The following OPCML variants were observed in gnomAD, a reference collection of about 807,000 sequenced individuals.
The protein encoded by OPCML is opioid binding protein/cell adhesion molecule like, also known as opioid-binding protein/cell adhesion molecule.
In OPCML, 13 loss-of-function variants were observed where a neutral mutation model predicts 37.8. That is an observed-to-expected ratio of 0.34 (90% CI 0.22 to 0.55). The LOEUF is 0.55. Ranked by LOEUF, OPCML falls within the 20% of genes least tolerant of loss-of-function variation. The probability of loss-of-function intolerance (pLI) is 0.91; values close to 1 mark genes in which losing one functional copy is unlikely to be tolerated. For missense variants in OPCML, 341 were observed against 435.6 expected, an observed-to-expected ratio of 0.78 and a Z score of 1.93; for synonymous variants, 176 against 168.8, an observed-to-expected ratio of 1.04 and a Z score of -0.33.
intron 1 of OPCML, among the ~76,000 whole-genome samples, chr11:133,347,592 G>A (rs185066771): frequency 1.3e-5 from 2 of 152,182 alleles, no homozygotes; most frequent in East Asian, 3.9e-4. Context: ...ATTTAGGTTG[G>A]CCTCTGAAAT....
chr11:133,425,157 C>A (rs1945975924), intron 1 of OPCML, among the ~76,000 whole-genome samples: 1 of 152,208 alleles, frequency 6.6e-6, no homozygotes. Context: ...CACCTGAGTT[C>A]ACCAGTCCTG....
chr11:133,479,496 C>T (rs1947328276), intron 1 of OPCML, among the ~76,000 whole-genome samples: 1 of 152,222 alleles, frequency 6.6e-6, no homozygotes, highest in Admixed American at 6.5e-5. Flanking sequence ...GTTGTCATTA[C>T]TGTCAGAAAT....
chr11:132,958,635 C>A (rs1184503507), intron 1 of OPCML, among the ~76,000 whole-genome samples: 1 of 152,204 alleles, frequency 6.6e-6, no homozygotes, highest in South Asian at 2.1e-4. Flanking sequence ...CAGCTGTTGA[C>A]TTTAAGTGAA....
intron 2 of OPCML, among the ~76,000 whole-genome samples, chr11:132,877,471 C>T (rs1040150268): frequency 6.6e-6 from 1 of 152,174 alleles, no homozygotes; most frequent in African/African-American, 2.4e-5. Context: ...CTGAAGAGTT[C>T]ATTTGACTTC....
chr11:133,196,672 C>T (rs2136311480), intron 1 of OPCML, among the ~76,000 whole-genome samples: 1 of 152,212 alleles, frequency 6.6e-6, no homozygotes, highest in East Asian at 1.9e-4. Context: ...AAGAAAAGGG[C>T]AATGTTTGTG....
At chr11:133,035,846 T>C (rs953344121) in intron 1 of OPCML, among the ~76,000 whole-genome samples, 1 of 152,068 alleles carries the variant, frequency 6.6e-6, no homozygotes, top group Non-Finnish European at 1.5e-5. Flanking sequence ...TGAGGCTGAA[T>C]AAGGTTAAAA....
rs117310146 is a variant in OPCML, at chr11:133,208,835, G to A, written c.62-265825C>T. ...TAAGACTTCATTCCCTATAAATCAC[G>A]CTATTCCATGACTACCTATTCTAAC... On this transcript the variant is annotated intron_variant, in intron 1 of 7. Transcript: ENST00000524381. The surrounding 1 kb of genome is among the most constrained non-coding windows in gnomAD (Gnocchi z 8.9). 1.6e-3 allele frequency among the ~76,000 whole-genome samples: 239 copies of A among 152,202 alleles called. 1 individual carries two copies. The East Asian group carries it at 0.022, about 14-fold the overall frequency.
chr11:132,878,825 C>A (rs1220196538), intron 2 of OPCML, among the ~76,000 whole-genome samples: 1 of 152,082 alleles, frequency 6.6e-6, no homozygotes, highest in Non-Finnish European at 1.5e-5. Flanking sequence ...ACTTTTAGAT[C>A]TGGGATGTTG....
intron 1 of OPCML, among the ~76,000 whole-genome samples, chr11:132,969,851 C>T (rs1173518714): frequency 6.6e-6 from 1 of 152,040 alleles, no homozygotes; most frequent in Admixed American, 6.6e-5. Flanking sequence ...GCATTATTCC[C>T]TTTAGTTTTT....
At chr11:132,465,551 T>G (rs2096116989) in intron 4 of OPCML, among the ~76,000 whole-genome samples, 1 of 152,134 alleles carries the variant, frequency 6.6e-6, no homozygotes, top group Admixed American at 6.5e-5. Flanking sequence ...TTACATTTTC[T>G]TATATTATTT....
intron 1 of OPCML, among the ~76,000 whole-genome samples, chr11:133,010,441 T>A (rs1259258018): frequency 6.6e-6 from 1 of 152,244 alleles, no homozygotes; most frequent in Non-Finnish European, 1.5e-5. Flanking sequence ...GGAAGAGTCT[T>A]CAGATATTTA....
chr11:132,540,592 C>T (rs899579283), intron 3 of OPCML, among the ~76,000 whole-genome samples: 1 of 152,100 alleles, frequency 6.6e-6, no homozygotes, highest in African/African-American at 2.4e-5. Flanking sequence ...TTATTTTGTG[C>T]TGCAGATAGA....
At chr11:133,437,952 C>A (rs1259624272) in intron 1 of OPCML, among the ~76,000 whole-genome samples, 1 of 151,748 alleles carries the variant, frequency 6.6e-6, no homozygotes, top group Non-Finnish European at 1.5e-5. Context: ...GAAATTTTGC[C>A]ATCCATAAAT....
chr11:132,744,950 G>A (rs1282434755), intron 2 of OPCML, among the ~76,000 whole-genome samples: 1 of 152,026 alleles, frequency 6.6e-6, no homozygotes, highest in African/African-American at 2.4e-5. Flanking sequence ...GCTCATCAAG[G>A]AAGTGAACGA....
At chr11:132,663,891 G>T (rs181894617) in intron 2 of OPCML, among the ~76,000 whole-genome samples, 13 of 152,274 alleles carry the variant, frequency 8.5e-5, no homozygotes, top group Non-Finnish European at 1.3e-4. Context: ...TGAGTGCAGT[G>T]ACGCGATCTC....
At chr11:133,113,905 A>C (rs1949293587) in intron 1 of OPCML, among the ~76,000 whole-genome samples, 1 of 152,204 alleles carries the variant, frequency 6.6e-6, no homozygotes, top group South Asian at 2.1e-4. Flanking sequence ...TCCTGAGAGA[A>C]CCATTCTTAG....
intron 1 of OPCML, among the ~76,000 whole-genome samples, chr11:133,185,360 G>A (rs917143664): frequency 6.6e-6 from 1 of 152,318 alleles, no homozygotes; most frequent in Non-Finnish European, 1.5e-5. Flanking sequence ...TAAATGTGAA[G>A]AACAGCCACT....
chr11:132,775,521 G>T (rs926383324), intron 2 of OPCML, among the ~76,000 whole-genome samples: 1 of 152,114 alleles, frequency 6.6e-6, no homozygotes, highest in East Asian at 1.9e-4. Context: ...CATGCATGTG[G>T]CATCTGACAC....
intron 1 of OPCML, among the ~76,000 whole-genome samples, chr11:132,972,162 C>T (rs929691661): frequency 6.6e-6 from 1 of 152,070 alleles, no homozygotes; most frequent in Non-Finnish European, 1.5e-5. Flanking sequence ...ATAATGTCTT[C>T]CTGATTTTGG....
Sources: gnomAD v4.1 joint callset for allele counts (sites outside exome capture counted in the v4.1 genomes callset) on GRCh38, gnomAD v4.1.1 for gene constraint, Gnocchi (gnomAD v3.1) non-coding constraint, MANE v1.5 for transcripts, NCBI Gene and HGNC (gene_info 2026-07-23, HGNC 2026-07-21) for gene names.